Variants in PDE4D observed in about 807,000 individuals in gnomAD.
PDE4D encodes phosphodiesterase 4D.
PDE4D carries 24 observed loss-of-function variants against 87.4 expected under a neutral mutation model. That is an observed-to-expected ratio of 0.27 (90% confidence interval 0.20 to 0.39). The LOEUF (loss-of-function observed/expected upper bound fraction) is 0.39, where lower values mean the gene tolerates loss of function less well. Ranked by LOEUF, PDE4D falls within the 10% of genes least tolerant of loss-of-function variation. PDE4D has a pLI of 1.00. For synonymous variants in PDE4D, 384 were observed against 383.2 expected, an observed-to-expected ratio of 1.00 and a Z score of -0.02; for missense variants, 714 against 1,041.0, an observed-to-expected ratio of 0.69 and a Z score of 4.32.
chr5:59,614,064 T>C (rs1829351811), intron 1 of PDE4D, among the ~76,000 whole-genome samples: 1 of 152,170 alleles, frequency 6.6e-6, no homozygotes, highest in Admixed American at 6.5e-5. Flanking sequence ...GAAGCCATTC[T>C]CCATTCACAT....
At chr5:59,347,114 G>A (rs1241782954) in intron 1 of PDE4D, among the ~76,000 whole-genome samples, 1 of 152,100 alleles carries the variant, frequency 6.6e-6, no homozygotes, top group Non-Finnish European at 1.5e-5. Flanking sequence ...CCCTTTGGAT[G>A]GGAACACAAA....
chr5:60,404,945 T>A (rs1488716376), intron 1 of PDE4D, among the ~76,000 whole-genome samples: 2 of 152,214 alleles, frequency 1.3e-5, no homozygotes, highest in African/African-American at 4.8e-5. Flanking sequence ...CTCTAAGCCA[T>A]CTTCTCACAG....
intron 1 of PDE4D, among the ~76,000 whole-genome samples, chr5:60,293,012 C>T (rs1208837613): frequency 6.8e-6 from 1 of 147,748 alleles, no homozygotes; most frequent in Non-Finnish European, 1.5e-5. Context: ...TGTAAATTCC[C>T]CCCTTTTTTT....
chr5:59,810,140 G>A (rs1453507478), intron 1 of PDE4D, among the ~76,000 whole-genome samples: 1 of 152,184 alleles, frequency 6.6e-6, no homozygotes, highest in Admixed American at 6.5e-5. Flanking sequence ...TCAGCGGCCA[G>A]CAGATGGCGC....
chr5:60,307,078 A>G (rs1754564273), intron 1 of PDE4D, among the ~76,000 whole-genome samples: 1 of 152,152 alleles, frequency 6.6e-6, no homozygotes, highest in Non-Finnish European at 1.5e-5. Flanking sequence ...TTGAAAAGAT[A>G]CACCTATCTC....
intron 1 of PDE4D, among the ~76,000 whole-genome samples, chr5:60,429,629 G>A (rs538120141): frequency 6.6e-6 from 1 of 152,154 alleles, no homozygotes; most frequent in East Asian, 1.9e-4. Context: ...ACTATTTTGA[G>A]GTATGTCCTT....
intron 1 of PDE4D, among the ~76,000 whole-genome samples, chr5:60,270,472 T>C (rs1193965541): frequency 1.3e-5 from 2 of 152,224 alleles, no homozygotes; most frequent in Non-Finnish European, 2.9e-5. Flanking sequence ...ATACCTAGAA[T>C]GGTAATTTTT....
intron 1 of PDE4D, among the ~76,000 whole-genome samples, chr5:60,321,528 A>G (rs1034903280): frequency 2.0e-5 from 3 of 152,236 alleles, no homozygotes; most frequent in Admixed American, 6.5e-5. Context: ...TTGCAACAAA[A>G]ATAAAACATT....
intron 1 of PDE4D, among the ~76,000 whole-genome samples, chr5:59,707,510 A>AT (rs1276485809): frequency 4.6e-5 from 7 of 151,618 alleles, no homozygotes; most frequent in Admixed American, 6.6e-5. Flanking sequence ...TTAGGTTTTT[A>AT]TTTTTTTTGT....
intron 1 of PDE4D, among the ~76,000 whole-genome samples, chr5:59,367,082 C>T (rs1297501329): frequency 1.3e-5 from 2 of 152,188 alleles, no homozygotes; most frequent in African/African-American, 2.4e-5. Flanking sequence ...TGTGGAAAAT[C>T]TCAGATTCAG....
chr5:59,756,509 TACAC>T (rs3062590), intron 1 of PDE4D, among the ~76,000 whole-genome samples: 21 of 144,996 alleles, frequency 1.4e-4, no homozygotes, highest in African/African-American at 2.3e-4. Context: ...ACCCAAAACA[TACAC>T]ACACACACAC....
chr5:60,396,106 C>T (rs953659550), intron 1 of PDE4D, among the ~76,000 whole-genome samples: 1 of 152,168 alleles, frequency 6.6e-6, no homozygotes, highest in Non-Finnish European at 1.5e-5. Flanking sequence ...CTACATCCAC[C>T]CAAAGGGGGC....
intron 1 of PDE4D, among the ~76,000 whole-genome samples, chr5:60,367,252 C>A (rs1760634634): frequency 6.6e-6 from 1 of 151,818 alleles, no homozygotes; most frequent in Admixed American, 6.6e-5. Flanking sequence ...AGTTCGAGAC[C>A]AGCCTGACCA....
At chr5:59,750,937 C>A (rs1319898760) in intron 1 of PDE4D, among the ~76,000 whole-genome samples, 3 of 136,966 alleles carry the variant, frequency 2.2e-5, no homozygotes, top group African/African-American at 5.7e-5. Context: ...AAGAGTAAGA[C>A]CCTGTCTCAA....
At chr5:60,313,483 C>T (rs151222719) in intron 1 of PDE4D, among the ~76,000 whole-genome samples, 4 of 152,260 alleles carry the variant, frequency 2.6e-5, no homozygotes, top group South Asian at 4.1e-4. Flanking sequence ...GAAAGATTCA[C>T]AGGCATATTC....
intron 5 of PDE4D, chr5:59,039,503 C>T: frequency 2.0e-6 from 2 of 985,674 alleles, no homozygotes; most frequent in East Asian, 1.1e-4. Flanking sequence ...GCCGGGTGCG[C>T]GGCCACCACG....
chr5:60,136,152 CTT>C (rs1447476614), intron 2 of PDE4D, among the ~76,000 whole-genome samples: 2 of 152,238 alleles, frequency 1.3e-5, no homozygotes, highest in Admixed American at 6.5e-5. Flanking sequence ...TTTAGATAGA[CTT>C]ATCACATATT....
intron 6 of PDE4D, among the ~76,000 whole-genome samples, chr5:59,010,566 C>A (rs1459239979): frequency 2.0e-5 from 3 of 152,002 alleles, no homozygotes; most frequent in Non-Finnish European, 2.9e-5. Context: ...TCCTGGGAGA[C>A]TGTTTGTCAG....
chr5:59,644,832 C>T (rs1057128766), intron 1 of PDE4D, among the ~76,000 whole-genome samples: 4 of 152,268 alleles, frequency 2.6e-5, no homozygotes, highest in Middle Eastern at 6.8e-3. Flanking sequence ...GGGCTTTCAT[C>T]CCATTATCAG....
Sources: gnomAD v4.1 joint callset for allele counts (sites outside exome capture counted in the v4.1 genomes callset) on GRCh38, gnomAD v4.1.1 for gene constraint, MANE v1.5 for transcripts, NCBI Gene and HGNC (gene_info 2026-07-23, HGNC 2026-07-21) for gene names.